The following UNC13C variants were observed in gnomAD, a reference collection of about 807,000 sequenced individuals.
The protein encoded by UNC13C is unc-13 homolog C.
UNC13C carries 174 observed loss-of-function variants against 245.4 expected under a neutral mutation model. That is an observed-to-expected ratio of 0.71 (90% CI 0.63 to 0.80). The LOEUF is 0.80. Among genes scored for constraint, UNC13C ranks in the 30% least tolerant of loss-of-function variants. UNC13C has a pLI of 0.00. For synonymous variants in UNC13C, 992 were observed against 895.1 expected, an observed-to-expected ratio of 1.11 and a Z score of -1.93; for missense variants, 2,829 against 2,602.9, an observed-to-expected ratio of 1.09 and a Z score of -1.89.
At position 53,978,794 on chromosome 15, in the gene UNC13C, G is replaced by A. The variant is rs1199641517; in HGVS notation, c.-390G>A. On this transcript the variant is annotated 5_prime_UTR_variant, in exon 1 of 33. Transcript: ENST00000260323. ...TTCCACTCCTGTTCTAACTATTTGT[G>A]ATTGAAAAAAGGAAACGAGACTAGA... Among the ~76,000 whole-genome samples, 2 of 152,142 alleles carry A rather than the reference G, an allele frequency of 1.3e-5. No individual in the cohort carries two copies. The highest frequency in any genetic ancestry group is 2.9e-5 in the Non-Finnish European group (2 of 67,982).
intron 4 of UNC13C, among the ~76,000 whole-genome samples, chr15:54,172,709 TATATATATATATATATATATATATATATA>T (rs1409344710): frequency 7.4e-5 from 4 of 54,246 alleles, no homozygotes; most frequent in South Asian, 6.6e-4. Context: ...CACAGATATA[TATATATATATATATATATATATATATATA>T]TATATATATA....
intron 20 of UNC13C, among the ~76,000 whole-genome samples, chr15:54,495,032 A>AT (rs1157836858): frequency 2.6e-5 from 4 of 152,064 alleles, no homozygotes; most frequent in East Asian, 1.9e-4. Context: ...CAGAACACAG[A>AT]TTTTTTTGGG....
chr15:54,562,040 G>T (rs1897315292), intron 29 of UNC13C, among the ~76,000 whole-genome samples: 1 of 151,938 alleles, frequency 6.6e-6, no homozygotes, highest in Admixed American at 6.6e-5. Context: ...AGCCAGGAAG[G>T]CTATTTTCCT....
At chr15:54,136,718 C>T (rs2031753135) in intron 2 of UNC13C, among the ~76,000 whole-genome samples, 1 of 151,988 alleles carries the variant, frequency 6.6e-6, no homozygotes, top group African/African-American at 2.4e-5. Flanking sequence ...CAGGTGCATT[C>T]CCTCGATATC....
chr15:54,440,639 A>C (rs1373342286), intron 19 of UNC13C, among the ~76,000 whole-genome samples: 2 of 151,956 alleles, frequency 1.3e-5, no homozygotes, highest in Non-Finnish European at 2.9e-5. Flanking sequence ...TATCTCTTTG[A>C]TGTAGATAAT....
rs145139881 is a variant in UNC13C at position 54,481,307 on chromosome 15, T to G, written c.4934-13301T>G. ...AGCCAACCCTCAGGCCCATGAGTGG[T>G]GCATGCTGGAGCCAGCAGTGGCAGT... On this transcript the variant is annotated intron_variant, in intron 19 of 32. Transcript: ENST00000260323. Among the ~76,000 whole-genome samples the G allele has an allele frequency of 1.2e-3, 186 of 152,170 alleles. 1 individual carries two copies. The highest frequency in any genetic ancestry group is 4.4e-3 in the African/African-American group (182 of 41,536).
intron 24 of UNC13C, among the ~76,000 whole-genome samples, chr15:54,520,596 A>C (rs1292647584): frequency 6.6e-6 from 1 of 152,160 alleles, no homozygotes; most frequent in Non-Finnish European, 1.5e-5. Flanking sequence ...GAAAAAGGAG[A>C]ATTGAAGGAC....
chr15:54,113,832 A>C (rs893566703), intron 2 of UNC13C, among the ~76,000 whole-genome samples: 1 of 152,224 alleles, frequency 6.6e-6, no homozygotes, highest in Non-Finnish European at 1.5e-5. Context: ...CCTCAAAAAA[A>C]TAAAGAAAAA....
Position 54,056,161 on chromosome 15 carries a change from C to T in UNC13C, c.2983+40275C>T, listed in dbSNP as rs535871762. 1.2e-3 allele frequency among the ~76,000 whole-genome samples: 177 copies of T among 152,132 alleles called. 1 individual carries two copies. The highest frequency in any genetic ancestry group is 4.0e-3 in the African/African-American group (167 of 41,490). On this transcript the variant is annotated intron_variant, in intron 2 of 32. Transcript: ENST00000260323. ...AAGGCTTCAGAAGCTCAAACTACTC[C>T]GAGCTAAAGGAGGAAGTTTGAACCA...
intron 4 of UNC13C, among the ~76,000 whole-genome samples, chr15:54,224,509 A>C (rs920993375): frequency 2.0e-5 from 3 of 152,102 alleles, no homozygotes; most frequent in Non-Finnish European, 2.9e-5. Flanking sequence ...TGATCTTTTC[A>C]ATATGTTGTT....
chr15:54,246,064 G>T (rs546507282), intron 7 of UNC13C, among the ~76,000 whole-genome samples: 3 of 152,280 alleles, frequency 2.0e-5, no homozygotes, highest in Non-Finnish European at 4.4e-5. Flanking sequence ...ACTAGTCATT[G>T]CTCTTGGCAG....
the UNC13C span, among the ~76,000 whole-genome samples, chr15:53,941,783 A>C: frequency 3.9e-5 from 6 of 152,350 alleles, no homozygotes; most frequent in African/African-American, 9.6e-5. Context: ...GAGGACATTC[A>C]TGGGGCCAAA....
chr15:54,293,873 A>T, intron 10 of UNC13C, 22 bp from the exon 11 acceptor site: 1 of 1,510,100 alleles, frequency 6.6e-7, no homozygotes, highest in Non-Finnish European at 8.8e-7. Context: ...ATTGTTGTTA[A>T]CTTATCCACA....
chr15:54,203,384 T>C (rs1452079794), intron 4 of UNC13C, among the ~76,000 whole-genome samples: 1 of 151,304 alleles, frequency 6.6e-6, no homozygotes, highest in Non-Finnish European at 1.5e-5. Flanking sequence ...CACGCGTTTA[T>C]AGCAGCACAA....
At chr15:54,089,207 C>T (rs1052285908) in intron 2 of UNC13C, among the ~76,000 whole-genome samples, 8 of 152,194 alleles carry the variant, frequency 5.3e-5, no homozygotes, top group Non-Finnish European at 1.2e-4. Context: ...TTAATGGTAT[C>T]TTCCTTGCTT....
the UNC13C span, among the ~76,000 whole-genome samples, chr15:53,917,412 AG>A: frequency 6.6e-6 from 1 of 152,234 alleles, no homozygotes; most frequent in Non-Finnish European, 1.5e-5. Flanking sequence ...AAAGGAAAAA[AG>A]AAAGTTGAGT....
chr15:53,893,170 A>G, the UNC13C span, among the ~76,000 whole-genome samples: 1 of 152,196 alleles, frequency 6.6e-6, no homozygotes, highest in Non-Finnish European at 1.5e-5. Flanking sequence ...TTGCCTGGAT[A>G]TCACCAGCGA....
At chr15:54,252,315 C>A (rs759533578) in intron 8 of UNC13C, among the ~76,000 whole-genome samples, 1 of 152,102 alleles carries the variant, frequency 6.6e-6, no homozygotes, top group Non-Finnish European at 1.5e-5. Context: ...AATCTATTTC[C>A]ATTTCTTAAA....
chr15:53,955,477 G>T, the UNC13C span, among the ~76,000 whole-genome samples: 3 of 152,270 alleles, frequency 2.0e-5, no homozygotes, highest in South Asian at 6.2e-4. Context: ...ATTGAGAAAA[G>T]TTGAAACTGC....
Sources: gnomAD v4.1 joint callset for allele counts (sites outside exome capture counted in the v4.1 genomes callset) on GRCh38, gnomAD v4.1.1 for gene constraint, MANE v1.5 for transcripts, NCBI Gene and HGNC (gene_info 2026-07-23, HGNC 2026-07-21) for gene names.